The following LRRC7 variants were observed in gnomAD, a reference collection of about 807,000 sequenced individuals.
LRRC7 encodes the protein leucine-rich repeat-containing protein 7.
In LRRC7, 23 loss-of-function variants were observed where a neutral mutation model predicts 175.7. The observed-to-expected ratio is 0.13, with a 90% CI of 0.09 to 0.19. The LOEUF (loss-of-function observed/expected upper bound fraction) is 0.19. Among genes scored for constraint, LRRC7 ranks in the 10% least tolerant of loss-of-function variants. The probability of loss-of-function intolerance (pLI) is 1.00; values close to 1 mark genes in which losing one functional copy is unlikely to be tolerated. For synonymous variants in LRRC7, 685 were observed against 680.9 expected, an observed-to-expected ratio of 1.01 and a Z score of -0.09; for missense variants, 1,354 against 1,904.7, an observed-to-expected ratio of 0.71 and a Z score of 5.38.
At chr1:69,792,234 AAAT>A in intron 4 of LRRC7, 74 bp downstream of exon 4, 1 of 797,326 alleles carries the variant, frequency 1.3e-6, no homozygotes, top group Non-Finnish European at 2.1e-6. Flanking sequence ...TTCTCTTAGC[AAAT>A]AATCTAAAAT....
intron 8 of LRRC7, among the ~76,000 whole-genome samples, chr1:69,964,689 T>C (rs968357404): frequency 6.6e-6 from 1 of 152,234 alleles, no homozygotes. Flanking sequence ...ATTCATTGTT[T>C]GTTTGATGCT....
chr1:69,948,793 A>G (rs1430098205), intron 8 of LRRC7, among the ~76,000 whole-genome samples: 1 of 152,194 alleles, frequency 6.6e-6, no homozygotes, highest in Non-Finnish European at 1.5e-5. Context: ...TTTACTTGAC[A>G]GCAAGACGTG....
At chr1:69,943,594 G>A (rs571295555) in intron 8 of LRRC7, among the ~76,000 whole-genome samples, 49 of 151,972 alleles carry the variant, frequency 3.2e-4, no homozygotes, top group Non-Finnish European at 6.8e-4. Flanking sequence ...TGACATATGA[G>A]TTATATTTCA....
Position 70,016,492 on chromosome 1 carries a change from C to G in LRRC7, c.1278C>G (p.Thr426=). 6.3e-7 allele frequency: 1 copy of G among 1,581,384 alleles called. No homozygotes were observed. The highest frequency in any genetic ancestry group is 1.4e-5 in the African/African-American group (1 of 73,522). ...NRLKNLPFSF[T]KLKELAALWL... ...TGAAGAATTTACCATTCTCATTTAC[C>G]AAACTTAAAGAGCTTGCAGCTTTGT... The change falls in exon 14 of 27, where the codon ACC becomes ACG. Residue 426 remains threonine, a synonymous_variant. Transcript: ENST00000651989.
intron 2 of LRRC7, among the ~76,000 whole-genome samples, chr1:69,711,311 G>A (rs1252729934): frequency 6.6e-6 from 1 of 152,088 alleles, no homozygotes; most frequent in Non-Finnish European, 1.5e-5. Flanking sequence ...TCTTTGATAT[G>A]CAGTGCCTGT....
At chr1:69,863,806 T>G (rs1158501828) in intron 7 of LRRC7, among the ~76,000 whole-genome samples, 2 of 152,136 alleles carry the variant, frequency 1.3e-5, no homozygotes, top group African/African-American at 4.8e-5. Flanking sequence ...TCCACTCTGT[T>G]TTTCCAAAGC....
intron 1 of LRRC7, among the ~76,000 whole-genome samples, chr1:69,662,244 T>C (rs1017993435): frequency 6.6e-6 from 1 of 150,790 alleles, no homozygotes; most frequent in African/African-American, 2.4e-5. Context: ...CATACATTTA[T>C]TGCTAAAACC....
chr1:69,906,820 G>A (rs1646331011), intron 7 of LRRC7, among the ~76,000 whole-genome samples: 1 of 152,150 alleles, frequency 6.6e-6, no homozygotes, highest in East Asian at 1.9e-4. Flanking sequence ...GTTTGGTGGG[G>A]ATGGCGTTGA....
rs879583291 is a variant in LRRC7, at chr1:69,766,526, A to G, written c.303+6133A>G. 3.3e-5 allele frequency among the ~76,000 whole-genome samples: 5 copies of G among 152,166 alleles called. No individual in the cohort carries two copies. In the South Asian group the frequency reaches 8.3e-4, roughly 25 times the overall value. On this transcript the variant is annotated intron_variant, in intron 3 of 26. Coordinates refer to ENST00000651989, the MANE Select transcript of LRRC7 (RefSeq NM_001370785.2). ...AGTGGATACAACATTAGTGAGATGT[A>G]GAAAAGTTATACAGATATTTTAAAG...
intron 26 of LRRC7, among the ~76,000 whole-genome samples, chr1:70,112,019 A>G (rs991208224): frequency 1.2e-4 from 18 of 152,194 alleles, no homozygotes; most frequent in African/African-American, 3.6e-4. Context: ...GGAATTTGCA[A>G]TCCAAACATA....
chr1:69,671,435 T>C (rs1659062035), intron 1 of LRRC7, among the ~76,000 whole-genome samples: 1 of 152,078 alleles, frequency 6.6e-6, no homozygotes, highest in East Asian at 1.9e-4. Context: ...TGAGTCTCTT[T>C]TGGAACCATG....
intron 1 of LRRC7, among the ~76,000 whole-genome samples, chr1:69,613,595 A>G (rs932655626): frequency 3.3e-5 from 5 of 152,014 alleles, no homozygotes; most frequent in African/African-American, 4.8e-5. Flanking sequence ...TGCATTTTCA[A>G]TTGATGAGGT....
chr1:70,093,341 C>A (rs1330572820), intron 25 of LRRC7, among the ~76,000 whole-genome samples: 1 of 152,102 alleles, frequency 6.6e-6, no homozygotes, highest in Non-Finnish European at 1.5e-5. Context: ...TTTATGTGAT[C>A]TTCATAACTA....
In LRRC7 at chr1:70,018,856, G is replaced by T; in HGVS notation, c.1420+38G>T. The T allele has an allele frequency of 2.0e-6, 3 of 1,464,414 alleles. No homozygotes were observed. In the South Asian group the frequency reaches 3.4e-5, roughly 17 times the overall value. The allele number at this position is 1,464,414 out of a possible 1,614,324, so 90.7% of individuals were successfully genotyped here. ...TAGAAATTTCTTCTCTACTTATAAT[G>T]ATTATGGATAGAAATAACTAATTTT... On this transcript the variant is annotated intron_variant, in intron 15 of 26. Coordinates refer to ENST00000651989, the MANE Select transcript of LRRC7 (RefSeq NM_001370785.2).
At chr1:69,930,632 T>C (rs143422797) in intron 7 of LRRC7, among the ~76,000 whole-genome samples, 75 of 152,328 alleles carry the variant, frequency 4.9e-4, no homozygotes, top group African/African-American at 1.8e-3. Flanking sequence ...GGTTTGTGTA[T>C]TAGTCTGTTT....
chr1:69,708,444 T>G (rs1293671912), intron 2 of LRRC7, among the ~76,000 whole-genome samples: 1 of 152,188 alleles, frequency 6.6e-6, no homozygotes, highest in African/African-American at 2.4e-5. Flanking sequence ...TAGTGCCTTT[T>G]TGAACGTTGT....
At chr1:70,047,755 ATCT>A (rs1260333978) in intron 22 of LRRC7, among the ~76,000 whole-genome samples, 1 of 152,036 alleles carries the variant, frequency 6.6e-6, no homozygotes, top group Non-Finnish European at 1.5e-5. Context: ...AGTAAATTAC[ATCT>A]TCTATAATTT....
chr1:69,858,182 A>C (rs1003755539), intron 7 of LRRC7, among the ~76,000 whole-genome samples: 16 of 152,210 alleles, frequency 1.1e-4, no homozygotes, highest in African/African-American at 3.9e-4. Flanking sequence ...AGGCAATACT[A>C]TTCAGGACAT....
At position 70,026,799 on chromosome 1, in the gene LRRC7, A is replaced by G. The variant is rs1371000742; in HGVS notation, c.1795-1372A>G. Among the ~76,000 whole-genome samples, 5 of 152,172 alleles carry G rather than the reference A, an allele frequency of 3.3e-5. No homozygotes were observed. In the East Asian group the frequency reaches 9.6e-4, roughly 29 times the overall value. On this transcript the variant is annotated intron_variant, in intron 17 of 26. Transcript: ENST00000651989. ...ATAATTTTATATCTTTAATATTAAA[A>G]GGAATGTTAGAAGTCATCTAGTGAA...
Sources: allele counts gnomAD v4.1 joint callset (sites outside exome capture counted in the v4.1 genomes callset), GRCh38; gene constraint gnomAD v4.1.1; transcripts MANE v1.5; gene names NCBI Gene and HGNC (gene_info 2026-07-23, HGNC 2026-07-21).